The following RBL1 variants were observed in gnomAD, a reference collection of about 807,000 sequenced individuals.
RBL1 encodes the protein RB transcriptional corepressor like 1, also known as retinoblastoma-like protein 1.
In RBL1, 82 loss-of-function variants were observed where a neutral mutation model predicts 123.0. That is an observed-to-expected ratio of 0.67 (90% CI 0.56 to 0.80). The LOEUF (loss-of-function observed/expected upper bound fraction) is 0.80, where lower values mean the gene tolerates loss of function less well. RBL1 is among the 30% of genes least tolerant of loss of function. The pLI is 0.00. For synonymous variants in RBL1, 405 were observed against 441.3 expected, an observed-to-expected ratio of 0.92 and a Z score of 1.03; for missense variants, 1,171 against 1,299.6, an observed-to-expected ratio of 0.90 and a Z score of 1.52.
chr20:37,076,704 C>T (rs1485540795), intron 2 of RBL1, among the ~76,000 whole-genome samples: 2 of 152,126 alleles, frequency 1.3e-5, no homozygotes, highest in East Asian at 1.9e-4. Context: ...GATTAATGTA[C>T]CTACAATATT....
intron 20 of RBL1, among the ~76,000 whole-genome samples, chr20:37,004,243 C>G (rs1209877459): frequency 6.6e-6 from 1 of 151,474 alleles, no homozygotes; most frequent in Non-Finnish European, 1.5e-5. Context: ...GCATGTGCCA[C>G]CACGCCCGGT....
At position 37,051,519 on chromosome 20, in the gene RBL1, C is replaced by T. The variant is rs936972856; in HGVS notation, c.1467+4034G>A. Among the ~76,000 whole-genome samples the T allele has an allele frequency of 6.6e-5, 10 of 152,160 alleles. 1 individual carries two copies. The highest frequency in any genetic ancestry group is 2.2e-4 in the African/African-American group (9 of 41,524). ...TTGAATTCTGTACATAGACAACTATCAATCAATTATGAGTCTAAAATAAAG... is the reference window on the plus strand; with the variant it reads ...TTGAATTCTGTACATAGACAACTATTAATCAATTATGAGTCTAAAATAAAG... On this transcript the variant is annotated intron_variant, in intron 11 of 21. Coordinates refer to ENST00000373664, the MANE Select transcript of RBL1 (RefSeq NM_002895.5).
rs547109007 is a variant in RBL1 at position 37,079,135 on chromosome 20, G to C, written c.290+9854C>G. On this transcript the variant is annotated intron_variant, in intron 2 of 21. Transcript: ENST00000373664. ...GGGAGGACTGAGCCCAGGAGGTAGA[G>C]ACTGCAGTGAGCTGAGGTGGCACCA... Among the ~76,000 whole-genome samples, 15 of 146,780 alleles carry C rather than the reference G, an allele frequency of 1.0e-4. No individual in the cohort carries two copies. The South Asian group carries it at 3.2e-3, about 32-fold the overall frequency.
intron 21 of RBL1, among the ~76,000 whole-genome samples, chr20:37,000,672 A>G: frequency 9.4e-6 from 1 of 106,512 alleles, no homozygotes; most frequent in African/African-American, 3.8e-5. Context: ...CCCTACTGGG[A>G]AGAGAGGAGC....
chr20:37,043,065 TTGG>T (rs1275121616), intron 13 of RBL1, among the ~76,000 whole-genome samples: 1 of 151,898 alleles, frequency 6.6e-6, no homozygotes, highest in African/African-American at 2.4e-5. Flanking sequence ...TTCTAGCACT[TTGG>T]GAGGCTGAGA....
Position 36,999,019 on chromosome 20 carries a change from ATCC to A in RBL1, c.3037-93_3037-91del, listed in dbSNP as rs2063921486. ...AGCTAATTGTTTTTTCCTGTGCTCT[ATCC>A]TCTATCCAAATCTTAACACTGGGAT... On this transcript the variant is annotated intron_variant, in intron 21 of 21. Coordinates refer to ENST00000373664, the MANE Select transcript of RBL1 (RefSeq NM_002895.5). 16 of 1,240,350 alleles carry A rather than the reference ATCC, an allele frequency of 1.3e-5. No homozygotes were observed. The East Asian group carries it at 3.3e-4, about 26-fold the overall frequency. The allele number at this position is 1,240,350 out of a possible 1,614,324, so 76.8% of individuals were successfully genotyped here. A position where few individuals can be genotyped will look rare whatever the true frequency, so the allele number is the denominator to read the frequency against.
At chr20:37,002,787 G>A (rs969044969) in intron 21 of RBL1, among the ~76,000 whole-genome samples, 4 of 151,408 alleles carry the variant, frequency 2.6e-5, no homozygotes, top group Admixed American at 1.3e-4. Context: ...GGGTGATCTC[G>A]GCTCACTGCA....
At chr20:37,045,615 G>C (rs1477607841) in intron 12 of RBL1, among the ~76,000 whole-genome samples, 1 of 152,044 alleles carries the variant, frequency 6.6e-6, no homozygotes, top group Non-Finnish European at 1.5e-5. Flanking sequence ...TTAGCTGCTT[G>C]AATAAAATAA....
At chr20:37,022,552 C>T in intron 17 of RBL1, 98 bp downstream of exon 17, 1 of 1,162,932 alleles carries the variant, frequency 8.6e-7, no homozygotes, top group South Asian at 2.0e-5. Context: ...GTCTCGAAAT[C>T]CTGGGCTCAA....
At chr20:37,093,790 C>A (rs951772162) in intron 1 of RBL1, among the ~76,000 whole-genome samples, 2 of 151,708 alleles carry the variant, frequency 1.3e-5, no homozygotes, top group African/African-American at 4.8e-5. Context: ...TACAAGTGCA[C>A]GTCACCATGC....
intron 2 of RBL1, among the ~76,000 whole-genome samples, chr20:37,088,153 T>G (rs1480881474): frequency 6.6e-6 from 1 of 151,618 alleles, no homozygotes; most frequent in Non-Finnish European, 1.5e-5. Flanking sequence ...TAATCCCAGC[T>G]ACTCGGGAGG....
chr20:37,049,492 T>C lies in RBL1; in HGVS notation c.1468-2302A>G, dbSNP rs2064870327. On this transcript the variant is annotated intron_variant, in intron 11 of 21. Coordinates refer to ENST00000373664, the MANE Select transcript of RBL1 (RefSeq NM_002895.5). ...TGGTGCTAAGAAAAGGAAGAAGTCT[T>C]ACACCACTCCCAAGAAGAGTAAGCA... 12 of 755,280 alleles carry C rather than the reference T, an allele frequency of 1.6e-5. No individual in the cohort carries two copies. In the East Asian group the frequency reaches 2.0e-4, roughly 12 times the overall value. The allele number at this position is 755,280 out of a possible 1,614,324, so 46.8% of individuals were successfully genotyped here.
intron 19 of RBL1, among the ~76,000 whole-genome samples, chr20:37,015,674 C>G (rs1275886839): frequency 6.6e-6 from 1 of 152,162 alleles, no homozygotes; most frequent in Non-Finnish European, 1.5e-5. Context: ...TCATGATCCA[C>G]CTGCCTCGGC....
chr20:37,026,607 G>A (rs1263248801), intron 16 of RBL1, among the ~76,000 whole-genome samples: 2 of 152,018 alleles, frequency 1.3e-5, no homozygotes, highest in Admixed American at 6.6e-5. Context: ...AGGAGGCTGA[G>A]GCAGGAGAAT....
intron 18 of RBL1, among the ~76,000 whole-genome samples, chr20:37,018,954 A>G (rs1379737806): frequency 1.3e-5 from 2 of 152,160 alleles, no homozygotes; most frequent in Non-Finnish European, 2.9e-5. Context: ...CTCAAATACA[A>G]AACAAAATAA....
chr20:37,050,036 T>C (rs1294511336), intron 11 of RBL1, among the ~76,000 whole-genome samples: 1 of 136,358 alleles, frequency 7.3e-6, no homozygotes, highest in Non-Finnish European at 1.5e-5. Flanking sequence ...CACTCCAGCC[T>C]GGGCAACAAG....
At chr20:37,000,710 G>A (rs1470967530) in intron 21 of RBL1, among the ~76,000 whole-genome samples, 46 of 113,754 alleles carry the variant, frequency 4.0e-4, no homozygotes, top group Admixed American at 1.2e-3. Context: ...CGCCCCGTCC[G>A]GGAGGGAGGC....
chr20:37,054,236 G>C (rs1439050080), intron 11 of RBL1, among the ~76,000 whole-genome samples: 1 of 152,146 alleles, frequency 6.6e-6, no homozygotes, highest in Non-Finnish European at 1.5e-5. Flanking sequence ...TGTAATCCCA[G>C]CACTTTTGGA....
intron 15 of RBL1, among the ~76,000 whole-genome samples, chr20:37,033,558 G>C (rs891277802): frequency 2.7e-5 from 4 of 150,540 alleles, no homozygotes; most frequent in African/African-American, 7.3e-5. Context: ...CAAGCCATCT[G>C]CCTGCCTTGG....
Sources: allele counts gnomAD v4.1 joint callset (sites outside exome capture counted in the v4.1 genomes callset), GRCh38; gene constraint gnomAD v4.1.1; transcripts MANE v1.5; gene names NCBI Gene and HGNC (gene_info 2026-07-23, HGNC 2026-07-21).